FSTL4: variants seen among roughly 807,000 people sequenced by gnomAD.
The protein encoded by FSTL4 is follistatin-related protein 4.
Under a neutral mutation model 78.2 loss-of-function variants are expected in FSTL4, and 28 were observed. The observed-to-expected ratio is 0.36, with a 90% CI of 0.27 to 0.49. The LOEUF is 0.49. Ranked by LOEUF, FSTL4 falls within the 20% of genes least tolerant of loss-of-function variation. The probability of loss-of-function intolerance (pLI) is 0.98; values close to 1 mark genes in which losing one functional copy is unlikely to be tolerated. For synonymous variants in FSTL4, 422 were observed against 440.5 expected, an observed-to-expected ratio of 0.96 and a Z score of 0.53; for missense variants, 922 against 1,084.9, an observed-to-expected ratio of 0.85 and a Z score of 2.11.
At chr5:133,498,828 AACTC>A (rs937951841) in intron 3 of FSTL4, among the ~76,000 whole-genome samples, 3 of 151,888 alleles carry the variant, frequency 2.0e-5, no homozygotes, top group Non-Finnish European at 2.9e-5. Context: ...AATCCACACC[AACTC>A]ACTCACTTTT....
At chr5:133,600,868 G>GA (rs1456844629) in intron 2 of FSTL4, among the ~76,000 whole-genome samples, 2 of 152,208 alleles carry the variant, frequency 1.3e-5, no homozygotes, top group Non-Finnish European at 2.9e-5. Flanking sequence ...TCTGGTTCCT[G>GA]AAAAAGGTTT....
At chr5:133,297,726 T>C (rs1170675558) in intron 6 of FSTL4, among the ~76,000 whole-genome samples, 2 of 152,224 alleles carry the variant, frequency 1.3e-5, no homozygotes, top group African/African-American at 4.8e-5. Flanking sequence ...AGTGGGCATA[T>C]GAAGTCTCAA....
chr5:133,352,269 C>CATATATATATACACACAT (rs1554107426), intron 4 of FSTL4, among the ~76,000 whole-genome samples: 3 of 74,772 alleles, frequency 4.0e-5, no homozygotes, highest in African/African-American at 1.1e-4. Context: ...TATATACACA[C>CATATATATATACACACAT]ATATATATAT....
At chr5:133,314,082 T>C (rs547795848) in intron 5 of FSTL4, among the ~76,000 whole-genome samples, 3 of 152,332 alleles carry the variant, frequency 2.0e-5, no homozygotes, top group South Asian at 2.1e-4. Flanking sequence ...CCTGGAGCCA[T>C]GTGGGCCTGG....
chr5:133,382,261 T>G (rs1056462138), intron 4 of FSTL4, among the ~76,000 whole-genome samples: 54 of 152,374 alleles, frequency 3.5e-4, no homozygotes, highest in African/African-American at 1.2e-3. Context: ...GGCCTGGGTC[T>G]GTGAGCTGAG....
chr5:133,282,501 T>C (rs1753031963), intron 6 of FSTL4, among the ~76,000 whole-genome samples: 1 of 152,228 alleles, frequency 6.6e-6, no homozygotes, highest in African/African-American at 2.4e-5. Flanking sequence ...AAACTCAAAA[T>C]GCATTTTAAT....
intron 3 of FSTL4, among the ~76,000 whole-genome samples, chr5:133,540,372 C>A (rs1286570896): frequency 6.6e-6 from 1 of 151,984 alleles, no homozygotes; most frequent in East Asian, 1.9e-4. Flanking sequence ...CAAGATAAAC[C>A]CTACCATTTC....
At chr5:133,541,237 G>GA (rs1322687856) in intron 3 of FSTL4, among the ~76,000 whole-genome samples, 1 of 152,222 alleles carries the variant, frequency 6.6e-6, no homozygotes, top group African/African-American at 2.4e-5. Context: ...ATTCAGCTCA[G>GA]AAGCCTCTCA....
rs556093649 is a variant in FSTL4, at chr5:133,407,610, G to A, written c.161-6624C>T. On this transcript the variant is annotated intron_variant, in intron 3 of 15. Coordinates refer to ENST00000265342, the MANE Select transcript of FSTL4 (RefSeq NM_015082.2). The stretch of plus-strand genomic sequence containing the variant: ...ATTGACTTCAAAGTCAGAAATGCCT[G>A]GAACAAGAAGAGAGAAGGAACACCT... Among the ~76,000 whole-genome samples the A allele has an allele frequency of 3.9e-5, 6 of 152,310 alleles. No individual in the cohort carries two copies. In the East Asian group the frequency reaches 1.2e-3, roughly 29 times the overall value.
chr5:133,837,730 C>T, the FSTL4 span, among the ~76,000 whole-genome samples: 3 of 152,126 alleles, frequency 2.0e-5, no homozygotes, highest in African/African-American at 7.2e-5. Context: ...CCCTGAAGTC[C>T]CATGAAAAAT....
intron 3 of FSTL4, among the ~76,000 whole-genome samples, chr5:133,486,349 G>A (rs112943356): frequency 4.6e-5 from 7 of 151,360 alleles, no homozygotes; most frequent in African/African-American, 9.7e-5. Context: ...GATGAAGAGC[G>A]GGAGGGAGAG....
chr5:133,550,721 G>A (rs916795918), intron 3 of FSTL4, among the ~76,000 whole-genome samples: 1 of 152,166 alleles, frequency 6.6e-6, no homozygotes, highest in Admixed American at 6.5e-5. Flanking sequence ...AGAATGTCTG[G>A]CTGTATAATT....
At chr5:133,493,961 C>A (rs1449618580) in intron 3 of FSTL4, among the ~76,000 whole-genome samples, 1 of 152,156 alleles carries the variant, frequency 6.6e-6, no homozygotes, top group Non-Finnish European at 1.5e-5. Flanking sequence ...ATCACTGCTT[C>A]AGACTACACA....
chr5:133,232,276 C>T (rs962846910), intron 8 of FSTL4, among the ~76,000 whole-genome samples: 1 of 152,132 alleles, frequency 6.6e-6, no homozygotes, highest in African/African-American at 2.4e-5. Context: ...CAAATCAGGG[C>T]AGAGTCATGG....
rs909914967 is a variant in FSTL4 at position 133,611,965 on chromosome 5, G to A, written c.-11+360C>T. Among the ~76,000 whole-genome samples, 21 of 152,138 alleles carry A rather than the reference G, an allele frequency of 1.4e-4. No homozygotes were observed. Among genetic ancestry groups the A allele is most frequent in the African/African-American group, 4.8e-4 (20 of 41,552 alleles). ...AGAACGGCGCCTGCAGGATTTCGGA[G>A]CCGGGCGCGAGCTGCGGGCTCGGCC... On this transcript the variant is annotated intron_variant, in intron 1 of 15. Transcript: ENST00000265342. This position sits in a 1 kb window ranked among gnomAD's most constrained non-coding sequence, Gnocchi z 4.9.
At chr5:133,258,369 C>T (rs2126832080) in intron 6 of FSTL4, among the ~76,000 whole-genome samples, 1 of 152,246 alleles carries the variant, frequency 6.6e-6, no homozygotes, top group South Asian at 2.1e-4. Context: ...AGAAGATTGC[C>T]CTCCCCAATG....
At chr5:133,840,243 C>T in the FSTL4 span, among the ~76,000 whole-genome samples, 4 of 152,196 alleles carry the variant, frequency 2.6e-5, no homozygotes, top group East Asian at 1.9e-4. Context: ...AATAGCCTCT[C>T]TGTGTGTTTA....
the FSTL4 span, among the ~76,000 whole-genome samples, chr5:133,777,448 T>C: frequency 6.6e-6 from 1 of 152,248 alleles, no homozygotes; most frequent in South Asian, 2.1e-4. Context: ...TGTCTTGTTA[T>C]GACCTTCTTA....
chr5:133,204,834 CAAAA>C (rs33932730), intron 14 of FSTL4, among the ~76,000 whole-genome samples: 1 of 129,074 alleles, frequency 7.7e-6, no homozygotes, highest in African/African-American at 2.9e-5. Context: ...GATTCTGTCT[CAAAA>C]AAAAAAAAAA....
Sources: gnomAD v4.1 joint callset for allele counts (sites outside exome capture counted in the v4.1 genomes callset) on GRCh38, gnomAD v4.1.1 for gene constraint, Gnocchi (gnomAD v3.1) non-coding constraint, MANE v1.5 for transcripts, NCBI Gene and HGNC (gene_info 2026-07-23, HGNC 2026-07-21) for gene names.